B3GALNT2: variants seen among roughly 807,000 people sequenced by gnomAD.
The protein encoded by B3GALNT2 is UDP-GalNAc:beta-1,3-N-acetylgalactosaminyltransferase 2.
B3GALNT2 carries 53 observed loss-of-function variants against 61.1 expected under a neutral mutation model. That is an observed-to-expected ratio of 0.87 (90% confidence interval 0.70 to 1.09). The LOEUF (loss-of-function observed/expected upper bound fraction) is 1.09. Ranked by LOEUF, B3GALNT2 falls within the 50% of genes least tolerant of loss-of-function variation. B3GALNT2 has a pLI of 0.00. For missense variants in B3GALNT2, 544 were observed against 623.0 expected (o/e 0.87, Z 1.35); for synonymous variants, 223 against 237.4 (o/e 0.94, Z 0.56).
At chr1:235,443,122 G>C, downstream of B3GALNT2, 1 of 584,980 alleles carries the variant, frequency 1.7e-6, no homozygotes, top group East Asian at 3.0e-5. Flanking sequence ...AACTTTATCA[G>C]CTGAAAGCAG....
rs1682671054 is a variant in B3GALNT2, at chr1:235,448,745, C to CT, written c.*1460dup. ...TTATTCTGTGGAAAATGGAGATTGT[C>CT]TATTAGTGCGATGGTGACAACCAAC... On this transcript the variant is annotated 3_prime_UTR_variant, in exon 12 of 12. Transcript: ENST00000366600. The CT allele has an allele frequency of 6.2e-7, 1 of 1,613,140 alleles. No individual in the cohort carries two copies. Among genetic ancestry groups the CT allele is most frequent in the Non-Finnish European group, 8.5e-7 (1 of 1,179,248 alleles).
chr1:235,465,377 A>C (rs531774787), intron 7 of B3GALNT2: 1 of 352,504 alleles, frequency 2.8e-6, no homozygotes. Context: ...AAAGTGCATC[A>C]GTAGTTGTTA....
chr1:235,500,701 A>G (rs1171881134), intron 1 of B3GALNT2, among the ~76,000 whole-genome samples: 1 of 152,136 alleles, frequency 6.6e-6, no homozygotes, highest in African/African-American at 2.4e-5. Context: ...ACACCTCCCA[A>G]AACACCACAC....
chr1:235,484,231 G>A (rs1384518920), intron 4 of B3GALNT2, 91 bp downstream of exon 4: 6 of 1,471,800 alleles, frequency 4.1e-6, no homozygotes, highest in Non-Finnish European at 5.4e-6. Context: ...GAATTATATA[G>A]TCTTCCAATC....
intron 8 of B3GALNT2, 77 bp from the exon 9 acceptor site, chr1:235,455,761 T>G: frequency 6.8e-7 from 1 of 1,461,228 alleles, no homozygotes; most frequent in Non-Finnish European, 9.5e-7. Context: ...ACTAACACTT[T>G]CATTCAAAAC....
At chr1:235,470,700 A>G in intron 6 of B3GALNT2, 150 bp downstream of exon 6, 1 of 1,232,914 alleles carries the variant, frequency 8.1e-7, no homozygotes, top group Non-Finnish European at 1.1e-6. Flanking sequence ...CTTTACTATG[A>G]AGACAACAAC....
Position 235,454,183 on chromosome 1 carries a change from G to A in B3GALNT2, c.1284C>T (p.Ser428=), listed in dbSNP as rs761630404. The A allele has an allele frequency of 2.5e-6, 4 of 1,611,728 alleles. No individual in the cohort carries two copies. Among genetic ancestry groups the A allele is most frequent in the Middle Eastern group, 1.7e-4 (1 of 6,054 alleles). The part of the protein sequence containing the change: ...ISKDIVKWLA[S]NSGRLKTYQG... ...GATAGGTCTTTAACCTCCCCGAGTT[G>A]CTTGCCAGCCACTTGACGATGTCCT... is the stretch of plus-strand genomic sequence containing the variant. The change falls in exon 10 of 12, where the codon AGC becomes AGT. Residue 428 remains serine, a synonymous_variant. Coordinates refer to ENST00000366600, the MANE Select transcript of B3GALNT2 (RefSeq NM_152490.5).
At position 235,487,815 on chromosome 1, in the gene B3GALNT2, G is replaced by A. The variant is rs1400234338; in HGVS notation, c.361+1353C>T. 3.9e-5 allele frequency among the ~76,000 whole-genome samples: 6 copies of A among 152,178 alleles called. No homozygotes were observed. In the East Asian group the frequency reaches 5.8e-4, roughly 15 times the overall value. ...GTCTTTGTTTTTGAGACAGGGTCTC[G>A]CTCTGTCACCCAGGCTGGAGTGCAG... On this transcript the variant is annotated intron_variant, in intron 3 of 11. Transcript: ENST00000366600.
At chr1:235,500,491 C>T (rs1226686234) in intron 1 of B3GALNT2, among the ~76,000 whole-genome samples, 1 of 151,952 alleles carries the variant, frequency 6.6e-6, no homozygotes, top group Admixed American at 6.6e-5. Flanking sequence ...AAATAATAAT[C>T]AAAAAAGTCT....
chr1:235,484,486 G>A lies in B3GALNT2; in HGVS notation c.391C>T (p.Leu131=), dbSNP rs1264643339. 6.2e-7 allele frequency: 1 copy of A among 1,614,026 alleles called. No homozygotes were observed. Among genetic ancestry groups the A allele is most frequent in the South Asian group, 1.1e-5 (1 of 91,060 alleles). Residue 131 remains leucine, a synonymous_variant, in exon 4 of 12, where the codon CTG becomes TTG. Coordinates refer to ENST00000366600, the MANE Select transcript of B3GALNT2 (RefSeq NM_152490.5). The part of the protein sequence containing the change: ...VLNQEIEAFS[L]SEDTSSGLPE... ...AGCCCCGATGAAGTGTCTTCGGACA[G>A]ACTGAACGCTTCAATTTCCTGATTC...
At chr1:235,463,156 T>G (rs991135116) in intron 7 of B3GALNT2, among the ~76,000 whole-genome samples, 2 of 152,090 alleles carry the variant, frequency 1.3e-5, no homozygotes, top group African/African-American at 4.8e-5. Context: ...ATGTTCTCAC[T>G]CATAAGTGGG....
At chr1:235,500,083 T>C (rs541882995) in intron 1 of B3GALNT2, among the ~76,000 whole-genome samples, 3 of 152,236 alleles carry the variant, frequency 2.0e-5, no homozygotes, top group East Asian at 3.9e-4. Context: ...TGGGGTATTG[T>C]TTTCTTCTGA....
At chr1:235,453,981 G>A (rs920285643) in intron 10 of B3GALNT2, among the ~76,000 whole-genome samples, 175 bp downstream of exon 10, 1 of 151,984 alleles carries the variant, frequency 6.6e-6, no homozygotes, top group African/African-American at 2.4e-5. Context: ...TACGTAGGTG[G>A]GAAATCCTTA....
At chr1:235,446,557 G>C (rs1558397842), downstream of B3GALNT2, among the ~76,000 whole-genome samples, 2 of 152,134 alleles carry the variant, frequency 1.3e-5, no homozygotes. Context: ...ACTGGTCATA[G>C]GCAGGTAAAA....
intron 6 of B3GALNT2, among the ~76,000 whole-genome samples, chr1:235,466,219 TTTTAA>T (rs749778798): frequency 2.8e-5 from 4 of 145,088 alleles, no homozygotes; most frequent in South Asian, 2.1e-4. Flanking sequence ...TTTTTTTAAT[TTTTAA>T]TTTTTCTTTT....
chr1:235,501,393 T>A (rs1167618686), intron 1 of B3GALNT2, among the ~76,000 whole-genome samples: 1 of 152,246 alleles, frequency 6.6e-6, no homozygotes, highest in Non-Finnish European at 1.5e-5. Flanking sequence ...GCTCAACTGT[T>A]ACCTCTTCAG....
chr1:235,496,012 T>C (rs1685301975), intron 1 of B3GALNT2, among the ~76,000 whole-genome samples: 1 of 152,200 alleles, frequency 6.6e-6, no homozygotes, highest in South Asian at 2.1e-4. Context: ...GATATATTTC[T>C]TAAAATGTTT....
At chr1:235,478,680 A>C (rs1684414071) in intron 5 of B3GALNT2, among the ~76,000 whole-genome samples, 1 of 152,248 alleles carries the variant, frequency 6.6e-6, no homozygotes, top group African/African-American at 2.4e-5. Flanking sequence ...TACAGAGTTA[A>C]ATGACAATAC....
chr1:235,478,017 G>A (rs1228564427), intron 5 of B3GALNT2, among the ~76,000 whole-genome samples: 1 of 151,932 alleles, frequency 6.6e-6, no homozygotes, highest in East Asian at 1.9e-4. Context: ...ACCAAAGAAT[G>A]GCTTCCTGCA....
Sources: gnomAD v4.1 joint callset for allele counts (sites outside exome capture counted in the v4.1 genomes callset) on GRCh38, gnomAD v4.1.1 for gene constraint, MANE v1.5 for transcripts, NCBI Gene and HGNC (gene_info 2026-07-23, HGNC 2026-07-21) for gene names.